Variants in DOCK4 observed in about 807,000 individuals in gnomAD.
DOCK4 encodes the protein dedicator of cytokinesis protein 4.
DOCK4 carries 97 observed loss-of-function variants against 268.1 expected under a neutral mutation model. That is an observed-to-expected ratio of 0.36 (90% CI 0.31 to 0.43). The LOEUF is 0.43. Ranked by LOEUF, DOCK4 falls within the 20% of genes least tolerant of loss-of-function variation. The pLI is 1.00. For synonymous variants in DOCK4, 954 were observed against 887.2 expected, an observed-to-expected ratio of 1.08 and a Z score of -1.34; for missense variants, 2,145 against 2,455.7, an observed-to-expected ratio of 0.87 and a Z score of 2.67.
intron 30 of DOCK4, among the ~76,000 whole-genome samples, chr7:111,792,613 C>G (rs1799627593): frequency 6.6e-6 from 1 of 152,022 alleles, no homozygotes; most frequent in Non-Finnish European, 1.5e-5. Flanking sequence ...GAACTCCTGA[C>G]CTCAGGTGAT....
Position 111,920,107 on chromosome 7 carries a change from AC to A in DOCK4, c.1067-4204del, listed in dbSNP as rs548618442. Among the ~76,000 whole-genome samples the A allele has an allele frequency of 9.5e-4, 144 of 152,288 alleles. 1 individual carries two copies. Among genetic ancestry groups the A allele is most frequent in the African/African-American group, 3.1e-3 (128 of 41,560 alleles). ...AGAAGCAGAGAGTGGAATGATGGTT[AC>A]CAGGGATTGGAGAGGGTGGGGGATA... On this transcript the variant is annotated intron_variant, in intron 12 of 52. Transcript: ENST00000428084.
At chr7:112,018,187 C>CAAAAAAAAAAAAAAAAA (rs1802022900) in intron 1 of DOCK4, among the ~76,000 whole-genome samples, 1 of 104,078 alleles carries the variant, frequency 9.6e-6, no homozygotes, top group Admixed American at 1.1e-4. Context: ...AAAACACAGG[C>CAAAAAAAAAAAAAAAAA]AACCAGTATT....
chr7:111,803,068 T>TA (rs1238928173), intron 30 of DOCK4, among the ~76,000 whole-genome samples: 1 of 152,266 alleles, frequency 6.6e-6, no homozygotes, highest in Non-Finnish European at 1.5e-5. Flanking sequence ...TTGATGGTCT[T>TA]AAAACATGTC....
At chr7:111,909,666 A>T (rs1791923979) in intron 13 of DOCK4, among the ~76,000 whole-genome samples, 1 of 152,226 alleles carries the variant, frequency 6.6e-6, no homozygotes, top group Non-Finnish European at 1.5e-5. Flanking sequence ...TTTTCACTTA[A>T]ATCTTTTTAG....
chr7:111,895,242 T>C (rs1430657887), intron 16 of DOCK4, among the ~76,000 whole-genome samples: 1 of 152,186 alleles, frequency 6.6e-6, no homozygotes, highest in African/African-American at 2.4e-5. Context: ...AAAGCAATGC[T>C]GACCTTGCTA....
At chr7:112,087,086 G>C (rs1048708948) in intron 1 of DOCK4, among the ~76,000 whole-genome samples, 1 of 152,094 alleles carries the variant, frequency 6.6e-6, no homozygotes, top group African/African-American at 2.4e-5. Context: ...AGCTCACCAG[G>C]CTAGGGCTGT....
At chr7:111,894,273 G>A (rs934088516) in intron 16 of DOCK4, among the ~76,000 whole-genome samples, 1 of 152,008 alleles carries the variant, frequency 6.6e-6, no homozygotes, top group Non-Finnish European at 1.5e-5. Context: ...GTTATATGTT[G>A]CCTCTCATTT....
intron 35 of DOCK4, 101 bp from the exon 36 acceptor site, chr7:111,778,470 C>G: frequency 1.6e-6 from 1 of 613,162 alleles, no homozygotes; most frequent in Non-Finnish European, 2.7e-6. Flanking sequence ...GCCAAGAGAA[C>G]GGATTCATTT....
intron 1 of DOCK4, among the ~76,000 whole-genome samples, chr7:112,040,986 T>C (rs1207420997): frequency 6.6e-6 from 1 of 152,206 alleles, no homozygotes; most frequent in African/African-American, 2.4e-5. Flanking sequence ...GAGGTAATTT[T>C]TTTTTTACGT....
Position 112,037,555 on chromosome 7 carries a change from A to G in DOCK4, c.38-33424T>C, listed in dbSNP as rs550444554. Among the ~76,000 whole-genome samples, 3 of 152,324 alleles carry G rather than the reference A, an allele frequency of 2.0e-5. No individual in the cohort carries two copies. In the South Asian group the frequency reaches 6.2e-4, roughly 32 times the overall value. Reference sequence around the variant, plus strand: ...TTATATAAACGGACTCATACAAGAGATACTCTATTATGCCTGCCTTCTTTT... The same window carrying G: ...TTATATAAACGGACTCATACAAGAGGTACTCTATTATGCCTGCCTTCTTTT... On this transcript the variant is annotated intron_variant, in intron 1 of 52. Coordinates refer to ENST00000428084, the MANE Select transcript of DOCK4 (RefSeq NM_001363540.2).
At position 111,824,482 on chromosome 7, in the gene DOCK4, A is replaced by G. The variant is rs138800278; in HGVS notation, c.2836-2026T>C. Among the ~76,000 whole-genome samples, 553 of 152,228 alleles carry G rather than the reference A, an allele frequency of 3.6e-3. 4 individuals are homozygous for G. Among genetic ancestry groups the G allele is most frequent in the African/African-American group, 0.013 (521 of 41,540 alleles). ...TTAGGAACAGTACAAATAAATTCTA[A>G]CATGCTGAAGTTTTATCTTCTCGCC... On this transcript the variant is annotated intron_variant, in intron 26 of 52. Transcript: ENST00000428084.
chr7:112,026,832 T>A (rs1260969489), intron 1 of DOCK4, among the ~76,000 whole-genome samples: 1 of 152,168 alleles, frequency 6.6e-6, no homozygotes, highest in Non-Finnish European at 1.5e-5. Context: ...CCAACTTCCA[T>A]TCCCTTGCCT....
chr7:111,858,933 C>T (rs1305049482), intron 23 of DOCK4, among the ~76,000 whole-genome samples: 1 of 152,058 alleles, frequency 6.6e-6, no homozygotes, highest in Non-Finnish European at 1.5e-5. Context: ...TTTAGAACTT[C>T]CCAGATGTCT....
chr7:111,796,112 T>C (rs969251376), intron 30 of DOCK4, among the ~76,000 whole-genome samples: 4 of 152,074 alleles, frequency 2.6e-5, no homozygotes, highest in Non-Finnish European at 5.9e-5. Flanking sequence ...GGTCCCCCAT[T>C]CTTGGGAATG....
intron 16 of DOCK4, among the ~76,000 whole-genome samples, chr7:111,894,221 C>CA (rs10699402): frequency 0.47 from 65,398 of 139,742 alleles, 16,131 homozygotes; most frequent in African/African-American, 0.68. Context: ...GACTCCATCT[C>CA]AAAAAAAAAA....
chr7:111,907,140 T>C (rs1791647590), intron 13 of DOCK4, among the ~76,000 whole-genome samples: 2 of 131,824 alleles, frequency 1.5e-5, no homozygotes, highest in South Asian at 4.5e-4. Flanking sequence ...AGTTAACTAA[T>C]ATTATATCTC....
chr7:112,128,905 G>T (rs1485114553), intron 1 of DOCK4, among the ~76,000 whole-genome samples: 1 of 151,990 alleles, frequency 6.6e-6, no homozygotes, highest in Non-Finnish European at 1.5e-5. Context: ...ACCCAAGAAT[G>T]ATCAATAAAA....
intron 6 of DOCK4, 127 bp from the exon 7 acceptor site, chr7:111,984,517 T>C (rs1273385469): frequency 6.8e-6 from 5 of 739,346 alleles, no homozygotes; most frequent in Non-Finnish European, 8.9e-6. Context: ...TCACCTTGTA[T>C]GACTTGTTAC....
intron 1 of DOCK4, among the ~76,000 whole-genome samples, chr7:112,111,144 C>T (rs1270327917): frequency 6.6e-6 from 1 of 152,230 alleles, no homozygotes; most frequent in East Asian, 1.9e-4. Context: ...TCTGGGGCCT[C>T]TGGTCCTGGC....
Sources: gnomAD v4.1 joint callset for allele counts (sites outside exome capture counted in the v4.1 genomes callset) on GRCh38, gnomAD v4.1.1 for gene constraint, MANE v1.5 for transcripts, NCBI Gene and HGNC (gene_info 2026-07-23, HGNC 2026-07-21) for gene names.